BRINP1: variants seen among roughly 807,000 people sequenced by gnomAD.
BRINP1 encodes the protein BMP/retinoic acid-inducible neural-specific protein 1.
A neutral mutation model predicts 72.9 loss-of-function variants in BRINP1; 17 were observed. The ratio of observed to expected loss-of-function variants is 0.23; its 90% CI spans 0.16 to 0.35. The LOEUF is 0.35. Among genes scored for constraint, BRINP1 ranks in the 10% least tolerant of loss-of-function variants. The pLI is 1.00. For missense variants in BRINP1, 850 were observed against 1,001.6 expected, an observed-to-expected ratio of 0.85 and a Z score of 2.04; for synonymous variants, 418 against 378.5, an observed-to-expected ratio of 1.10 and a Z score of -1.21.
intron 2 of BRINP1, among the ~76,000 whole-genome samples, chr9:119,253,742 G>A (rs1830417144): frequency 6.6e-6 from 1 of 151,998 alleles, no homozygotes; most frequent in South Asian, 2.1e-4. Flanking sequence ...AGAGGGGATA[G>A]GACAGGTAGA....
intron 5 of BRINP1, among the ~76,000 whole-genome samples, chr9:119,231,072 G>T (rs1031078825): frequency 1.3e-5 from 2 of 152,010 alleles, no homozygotes; most frequent in Non-Finnish European, 2.9e-5. Flanking sequence ...ACTGTTTTAT[G>T]TATACTAAGA....
chr9:119,219,825 T>C (rs959290079), intron 5 of BRINP1, among the ~76,000 whole-genome samples: 1 of 152,108 alleles, frequency 6.6e-6, no homozygotes, highest in Non-Finnish European at 1.5e-5. Flanking sequence ...AAAAGCACTC[T>C]CCACTCTCCT....
chr9:119,173,500 A>C (rs1564208983), intron 7 of BRINP1, among the ~76,000 whole-genome samples: 1 of 152,142 alleles, frequency 6.6e-6, no homozygotes, highest in Non-Finnish European at 1.5e-5. Flanking sequence ...AACAAATGGA[A>C]GAACATTCCA....
At chr9:119,282,991 A>G (rs1214541680) in intron 2 of BRINP1, 2 of 985,132 alleles carry the variant, frequency 2.0e-6, no homozygotes, top group Non-Finnish European at 2.4e-6. Context: ...CTCACTGACC[A>G]CTTCTTAGAT....
chr9:119,171,438 TA>T (rs1200930721), intron 7 of BRINP1, among the ~76,000 whole-genome samples: 2 of 148,698 alleles, frequency 1.3e-5, no homozygotes, highest in Non-Finnish European at 3.0e-5. Flanking sequence ...CTAACTATCC[TA>T]AATATATATG....
chr9:119,189,489 ATAG>A (rs752332798), intron 7 of BRINP1, among the ~76,000 whole-genome samples: 17 of 152,152 alleles, frequency 1.1e-4, no homozygotes, highest in Non-Finnish European at 2.4e-4. Flanking sequence ...TTTCTTGCAA[ATAG>A]TAGTCAAAAG....
At chr9:119,352,375 T>C (rs542688401) in intron 1 of BRINP1, among the ~76,000 whole-genome samples, 99 of 152,224 alleles carry the variant, frequency 6.5e-4, no homozygotes, top group Non-Finnish European at 1.2e-3. Context: ...CACAAAATGC[T>C]GCTGTCTTTT....
rs1195876185 is a variant in BRINP1, at chr9:119,256,696, C to A, written c.219-7546G>T. On this transcript the variant is annotated intron_variant, in intron 2 of 7. Transcript: ENST00000265922. ...TTAAAAGGTTCTATTTTAGTTTCCT[C>A]ATCTGTAAAATGGGGTGGGGCAGTG... is the stretch of plus-strand genomic sequence containing the variant. Among the ~76,000 whole-genome samples, 34 of 152,156 alleles carry A rather than the reference C, an allele frequency of 2.2e-4. 1 individual carries two copies. The highest frequency in any genetic ancestry group is 2.2e-3 in the Admixed American group (34 of 15,268).
chr9:119,316,805 C>T (rs1029727016), intron 1 of BRINP1, among the ~76,000 whole-genome samples: 1 of 152,152 alleles, frequency 6.6e-6, no homozygotes, highest in Admixed American at 6.5e-5. Context: ...GCTGAAACAA[C>T]ATCTATTCTG....
chr9:119,336,077 A>T (rs553020413), intron 1 of BRINP1, among the ~76,000 whole-genome samples: 34 of 152,354 alleles, frequency 2.2e-4, no homozygotes, highest in Non-Finnish European at 4.1e-4. Context: ...TGTTATTGGC[A>T]TCACCATTTA....
chr9:119,167,314 A>T lies in BRINP1; in HGVS notation c.2056T>A (p.Phe686Ile). Reference protein sequence around the residue: ...VNQSYTQGGQFYSSSSVMLLL... With the variant: ...VNQSYTQGGQIYSSSSVMLLL... ...AGCATCACTGACGAAGAGGAATAGA[A>T]CTGGCCGCCCTGTGTGTAGGACTGG... Residue 686 changes from phenylalanine to isoleucine, a missense_variant, in exon 8 of 8, where the codon TTC becomes ATC. By Grantham distance (21) the Phe-to-Ile change is conservative. Transcript: ENST00000265922. The surrounding 1 kb of genome is among the most constrained non-coding windows in gnomAD (Gnocchi z 4.3). 6.2e-7 allele frequency: 1 copy of T among 1,614,144 alleles called. No individual in the cohort carries two copies. The highest frequency in any genetic ancestry group is 8.5e-7 in the Non-Finnish European group (1 of 1,180,030).
In BRINP1 at chr9:119,296,372, T is replaced by C. The variant is rs374515795; in HGVS notation, c.218+16766A>G. Among the ~76,000 whole-genome samples the C allele has an allele frequency of 6.6e-5, 10 of 152,292 alleles. No homozygotes were observed. In the South Asian group the frequency reaches 1.2e-3, roughly 19 times the overall value. ...CTTGCACGTGTTAGAATAGGTATTA[T>C]AAAATTTTGAAAAATAACGTGTTAG... On this transcript the variant is annotated intron_variant, in intron 2 of 7. Transcript: ENST00000265922.
At chr9:119,238,789 T>A in intron 4 of BRINP1, 29 bp from the exon 5 acceptor site, 2 of 1,449,808 alleles carry the variant, frequency 1.4e-6, no homozygotes, top group Non-Finnish European at 1.9e-6. Flanking sequence ...AAGATAGGTG[T>A]GAGACAGCAG....
chr9:119,327,339 C>T (rs1342707883), intron 1 of BRINP1, among the ~76,000 whole-genome samples: 1 of 152,140 alleles, frequency 6.6e-6, no homozygotes, highest in Non-Finnish European at 1.5e-5. Context: ...GTATGTTGTT[C>T]CCCTCCCTGT....
chr9:119,263,941 G>T (rs540977713), intron 2 of BRINP1, among the ~76,000 whole-genome samples: 1 of 152,046 alleles, frequency 6.6e-6, no homozygotes. Context: ...CAATACAAAC[G>T]GGCTTATGAA....
chr9:119,224,564 A>G (rs1181000700), intron 5 of BRINP1, among the ~76,000 whole-genome samples: 1 of 152,072 alleles, frequency 6.6e-6, no homozygotes, highest in Non-Finnish European at 1.5e-5. Flanking sequence ...GTAACGAATA[A>G]CCTCAAAATC....
At position 119,242,037 on chromosome 9, in the gene BRINP1, G is replaced by A. The variant is rs374551545; in HGVS notation, c.579+10C>T. ...AGAACCTGTCGCCCAAATCCACCCC[G>A]GAGCTGTACCTTGATTGCTCCAGTT... On this transcript the variant is annotated intron_variant, in intron 4 of 7. Transcript: ENST00000265922. 2.5e-5 allele frequency: 41 copies of A among 1,612,170 alleles called. No homozygotes were observed. The highest frequency in any genetic ancestry group is 3.5e-4 in the Middle Eastern group (2 of 5,652).
chr9:119,244,123 G>C (rs1045800006), intron 3 of BRINP1, among the ~76,000 whole-genome samples: 1 of 152,098 alleles, frequency 6.6e-6, no homozygotes, highest in Non-Finnish European at 1.5e-5. Context: ...AGCACTTCTG[G>C]GATGCCTTCC....
rs553549112 is a variant in BRINP1 at position 119,265,808 on chromosome 9, G to A, written c.219-16658C>T. On this transcript the variant is annotated intron_variant, in intron 2 of 7. Transcript: ENST00000265922. ...GCAAATTGTGTGTCACGAGGTTTTG[G>A]TGTACAGCTCATTTTGCCACCCAGG... Among the ~76,000 whole-genome samples the A allele has an allele frequency of 2.2e-4, 33 of 152,114 alleles. No homozygotes were observed. In the South Asian group the frequency reaches 6.6e-3, roughly 31 times the overall value.
Sources: allele counts gnomAD v4.1 joint callset (sites outside exome capture counted in the v4.1 genomes callset), GRCh38; gene constraint gnomAD v4.1.1; non-coding constraint Gnocchi (gnomAD v3.1); transcripts MANE v1.5; gene names NCBI Gene and HGNC (gene_info 2026-07-23, HGNC 2026-07-21).